Variants in BSN observed in about 807,000 individuals in gnomAD.
BSN encodes the protein bassoon presynaptic cytomatrix protein.
Under a neutral mutation model 264.8 loss-of-function variants are expected in BSN, and 57 were observed. The ratio of observed to expected loss-of-function variants is 0.22; its 90% CI spans 0.17 to 0.27. BSN has a LOEUF of 0.27. BSN is among the 10% of genes least tolerant of loss of function. The pLI is 1.00. For synonymous variants in BSN, 2,059 were observed against 2,137.3 expected, an observed-to-expected ratio of 0.96 and a Z score of 1.01; for missense variants, 4,615 against 5,232.5, an observed-to-expected ratio of 0.88 and a Z score of 3.64.
intron 1 of BSN, among the ~76,000 whole-genome samples, chr3:49,558,988 G>C (rs936695817): frequency 6.6e-6 from 1 of 152,062 alleles, no homozygotes. Context: ...GTGCAGTGGC[G>C]CGATCTCGGG....
chr3:49,628,096 G>A (rs2052356277), intron 2 of BSN, among the ~76,000 whole-genome samples: 1 of 152,236 alleles, frequency 6.6e-6, no homozygotes. Flanking sequence ...GGCCACACAA[G>A]TGACATGGAG....
rs1436873270 is a variant in BSN at position 49,581,606 on chromosome 3, A to G, written c.224+26780A>G. Among the ~76,000 whole-genome samples, 3 of 151,936 alleles carry G rather than the reference A, an allele frequency of 2.0e-5. No homozygotes were observed. In the East Asian group the frequency reaches 5.8e-4, roughly 29 times the overall value. On this transcript the variant is annotated intron_variant, in intron 1 of 11. Transcript: ENST00000296452. ...TTGGGGAAGCCGAGGTGGGCGGATC[A>G]CAAAGTCAGGAGATCGAGACCATCC...
In BSN at chr3:49,662,386, C is replaced by A. The variant is rs1177787212; in HGVS notation, c.10541C>A (p.Pro3514His). Residue 3514 changes from proline (P) to histidine (H), a missense_variant, in exon 6 of 12, where the codon CCC becomes CAC. Physicochemically the swap from Pro to His is moderately conservative, Grantham distance 77 (BLOSUM62 -2). This residue lies in a region of BSN where 3,415 missense variants were observed against 3,866.4 expected (regional missense o/e 0.88). Coordinates refer to ENST00000296452, the MANE Select transcript of BSN (RefSeq NM_003458.4). ...AGCCCCGTCAGTCCTTTGGGGAGGC[C>A]CCGCCCTGCCGGAGGGCCCCTCCCT... is the stretch of plus-strand genomic sequence containing the variant. ...EESPVSPLGRPRPAGGPLPPG... is the reference protein window; with the variant it reads ...EESPVSPLGRHRPAGGPLPPG... 6.2e-7 allele frequency: 1 copy of A among 1,613,552 alleles called. No homozygotes were observed. The highest frequency in any genetic ancestry group is 1.1e-5 in the South Asian group (1 of 91,070).
At position 49,662,036 on chromosome 3, in the gene BSN, G is replaced by A; in HGVS notation, c.10191G>A (p.Leu3397=). Residue 3397 remains leucine (L), a synonymous_variant, in exon 6 of 12, where the codon CTG becomes CTA. Transcript: ENST00000296452. ...CCCCACCTGCAGTCAGCAGCAGCCT[G>A]GTCTCTCGGGGCAGGAAGTTCCAGG... ...SYPPPAVSSS[L]VSRGRKFQDE... is the part of the protein sequence containing the mutation. The A allele has an allele frequency of 6.2e-7, 1 of 1,613,840 alleles. No homozygotes were observed. Among genetic ancestry groups the A allele is most frequent in the Non-Finnish European group, 8.5e-7 (1 of 1,180,030 alleles).
chr3:49,560,878 A>G (rs954231137), intron 1 of BSN, among the ~76,000 whole-genome samples: 1 of 152,056 alleles, frequency 6.6e-6, no homozygotes, highest in Non-Finnish European at 1.5e-5. Context: ...GCCCCCTAGC[A>G]TTCTCTTGGC....
At chr3:49,598,417 A>T (rs779790034) in intron 1 of BSN, among the ~76,000 whole-genome samples, 1 of 151,978 alleles carries the variant, frequency 6.6e-6, no homozygotes, top group Non-Finnish European at 1.5e-5. Context: ...TCTTGTTTTA[A>T]TTTTTTATCC....
intron 1 of BSN, among the ~76,000 whole-genome samples, chr3:49,600,878 T>C (rs749673580): frequency 2.0e-5 from 3 of 152,196 alleles, no homozygotes; most frequent in Non-Finnish European, 4.4e-5. Flanking sequence ...GAAATTCTTC[T>C]GGCTCCTGTG....
At chr3:49,635,854 C>T (rs1162726610) in intron 2 of BSN, among the ~76,000 whole-genome samples, 2 of 151,862 alleles carry the variant, frequency 1.3e-5, no homozygotes, top group Admixed American at 1.3e-4. Context: ...GGCGCCATGC[C>T]TGTAGTCCCA....
In BSN at chr3:49,656,305, G is replaced by A. The variant is rs1299983273; in HGVS notation, c.6749G>A (p.Arg2250Gln). 15 of 1,613,008 alleles carry A rather than the reference G, an allele frequency of 9.3e-6. No homozygotes were observed. The highest frequency in any genetic ancestry group is 3.3e-4 in the Middle Eastern group (2 of 6,082). ...ACACGTGTGCCCATGATTGCCCCCC[G>A]GGTACCTCTTGGACCCACAGGGCTG... Reference protein sequence around the residue: ...SLTRVPMIAPRVPLGPTGLYR... With the variant: ...SLTRVPMIAPQVPLGPTGLYR... The change falls in exon 5 of 12, where the codon CGG (arginine) becomes CAG (glutamine). Residue 2250 changes from arginine (R) to glutamine (Q), a missense_variant. Physicochemically the swap from Arg to Gln is conservative, Grantham distance 43. Coordinates refer to ENST00000296452, the MANE Select transcript of BSN (RefSeq NM_003458.4).
Position 49,650,801 on chromosome 3 carries a change from GCCAAGGCCAGCCCTCTATCCA to G in BSN, c.1725_1745del (p.Ser576_Leu582del), listed in dbSNP as rs1388982506. 5 of 1,613,794 alleles carry G rather than the reference GCCAAGGCCAGCCCTCTATCCA, an allele frequency of 3.1e-6. No homozygotes were observed. The highest frequency in any genetic ancestry group is 4.5e-5 in the East Asian group (2 of 44,888). Reference sequence around the variant, plus strand: ...GGGCCAGCCTTCAGGCCCCCTGCCTGCCAAGGCCAGCCCTCTATCCACCAAGGCCAGCCCTCTGCCCAGCAA... The same window carrying G: ...GGGCCAGCCTTCAGGCCCCCTGCCTGCCAAGGCCAGCCCTCTGCCCAGCAA... On this transcript the variant is annotated inframe_deletion, in exon 4 of 12. Transcript: ENST00000296452.
intron 1 of BSN, among the ~76,000 whole-genome samples, chr3:49,621,780 T>G (rs992024738): frequency 6.6e-6 from 1 of 152,092 alleles, no homozygotes; most frequent in South Asian, 2.1e-4. Context: ...CACAGCAGCG[T>G]CGTCCTAGCT....
Position 49,643,030 on chromosome 3 carries a change from C to T in BSN, c.1396C>T (p.Pro466Ser), listed in dbSNP as rs1281795839. Residue 466 changes from proline to serine, a missense_variant, in exon 3 of 12, where the codon CCA becomes TCA. Physicochemically the swap from Pro to Ser is moderately conservative, Grantham distance 74. Transcript: ENST00000296452. ...CATGCCGAAGGAAAGGGCCATCTGCCCACTGTGCCAAGCCGAGCTCAACGT... is the reference window on the plus strand; with the variant it reads ...CATGCCGAAGGAAAGGGCCATCTGCTCACTGTGCCAAGCCGAGCTCAACGT... ...KTMPKERAIC[P>S]LCQAELNVGS... 1.9e-6 allele frequency: 3 copies of T among 1,613,946 alleles called. No individual in the cohort carries two copies. Among genetic ancestry groups the T allele is most frequent in the Non-Finnish European group, 2.5e-6 (3 of 1,180,046 alleles).
At chr3:49,665,680 C>G (rs1289892767) in intron 11 of BSN, among the ~76,000 whole-genome samples, 1 of 152,242 alleles carries the variant, frequency 6.6e-6, no homozygotes, top group African/African-American at 2.4e-5. Flanking sequence ...TGCCTTTGCT[C>G]CAGCCACTTG....
chr3:49,599,116 G>C (rs144483607), intron 1 of BSN, among the ~76,000 whole-genome samples: 13 of 152,308 alleles, frequency 8.5e-5, no homozygotes, highest in African/African-American at 2.4e-4. Flanking sequence ...CCCTGGGTCT[G>C]AGTAGCTTTA....
chr3:49,574,454 G>C (rs1320469474), intron 1 of BSN, among the ~76,000 whole-genome samples: 1 of 151,860 alleles, frequency 6.6e-6, no homozygotes, highest in African/African-American at 2.4e-5. Context: ...GCTTTTTTCA[G>C]GTGACCATGA....
At chr3:49,589,321 A>C (rs2108022564) in intron 1 of BSN, among the ~76,000 whole-genome samples, 1 of 152,092 alleles carries the variant, frequency 6.6e-6, no homozygotes, top group South Asian at 2.1e-4. Flanking sequence ...ATTATTATAA[A>C]GTATTGAAGT....
intron 1 of BSN, among the ~76,000 whole-genome samples, chr3:49,604,629 T>A (rs1185326039): frequency 6.6e-6 from 1 of 152,202 alleles, no homozygotes; most frequent in Non-Finnish European, 1.5e-5. Flanking sequence ...TGGACATGGT[T>A]GCTTTCACCT....
At chr3:49,575,697 A>G (rs2051841188) in intron 1 of BSN, among the ~76,000 whole-genome samples, 1 of 148,864 alleles carries the variant, frequency 6.7e-6, no homozygotes, top group Non-Finnish European at 1.5e-5. Flanking sequence ...ACACAGACAC[A>G]TTCTTGGAGT....
intron 1 of BSN, among the ~76,000 whole-genome samples, chr3:49,606,529 G>A (rs2052153886): frequency 6.6e-6 from 1 of 151,116 alleles, no homozygotes; most frequent in Non-Finnish European, 1.5e-5. Flanking sequence ...GAATTGAGTG[G>A]CCTTGTGTGC....
Sources: gnomAD v4.1 joint callset for allele counts (sites outside exome capture counted in the v4.1 genomes callset) on GRCh38, gnomAD v4.1.1 for gene constraint, gnomAD v4.1.1 regional missense constraint, MANE v1.5 for transcripts, NCBI Gene and HGNC (gene_info 2026-07-23, HGNC 2026-07-21) for gene names.